Variants in CUX1 observed in about 807,000 individuals in gnomAD.
The protein encoded by CUX1 is cut like homeobox 1.
In CUX1, 31 loss-of-function variants were observed where a neutral mutation model predicts 158.8. The observed-to-expected ratio is 0.20, with a 90% CI of 0.15 to 0.26. The LOEUF is 0.26. Ranked by LOEUF, CUX1 falls within the 10% of genes least tolerant of loss-of-function variation. The pLI, the probability that CUX1 is intolerant of heterozygous loss-of-function variation, is 1.00. For synonymous variants in CUX1, 879 were observed against 862.1 expected (o/e 1.02, Z -0.34); for missense variants, 1,589 against 2,014.6 (o/e 0.79, Z 4.04).
chr7:101,981,301 G>A (rs1023470933), intron 2 of CUX1, among the ~76,000 whole-genome samples: 1 of 152,102 alleles, frequency 6.6e-6, no homozygotes, highest in African/African-American at 2.4e-5. Context: ...TTGTCTTGCC[G>A]CATGAGGATG....
Position 102,109,558 on chromosome 7 carries a change from C to T in CUX1, c.531-2140C>T, listed in dbSNP as rs531385334. On this transcript the variant is annotated intron_variant, in intron 6 of 23. Coordinates refer to ENST00000292535, the MANE Select transcript of CUX1 (RefSeq NM_181552.4). ...CAGCACTTTGGGAGGCTAAGGCAGGCGGATCACTTGAGGCCAGGAGTTCGA... is the reference window on the plus strand; with the variant it reads ...CAGCACTTTGGGAGGCTAAGGCAGGTGGATCACTTGAGGCCAGGAGTTCGA... Among the ~76,000 whole-genome samples the T allele has an allele frequency of 9.2e-5, 14 of 152,004 alleles. 2 individuals are homozygous for T. The highest frequency in any genetic ancestry group is 7.9e-4 in the Admixed American group (12 of 15,240).
intron 8 of CUX1, among the ~76,000 whole-genome samples, chr7:102,156,247 C>T (rs1400460899): frequency 6.6e-6 from 1 of 152,094 alleles, no homozygotes; most frequent in Non-Finnish European, 1.5e-5. Context: ...AACAGAACAC[C>T]TGAGGCCAGG....
In CUX1 at chr7:102,202,177, C is replaced by T; in HGVS notation, c.2880C>T (p.Gly960=). 6.2e-7 allele frequency: 1 copy of T among 1,609,652 alleles called. No homozygotes were observed. Among genetic ancestry groups the T allele is most frequent in the Non-Finnish European group, 8.5e-7 (1 of 1,176,752 alleles). The change falls in exon 18 of 24, where the codon GGC becomes GGT. Residue 960 remains glycine, a synonymous_variant. Coordinates refer to ENST00000292535, the MANE Select transcript of CUX1 (RefSeq NM_181552.4). ...RQVKEKLAKN[G]ICQRIFGEKV... ...TTAAGGAAAAGCTGGCCAAGAACGG[C>T]ATCTGCCAGAGAATCTTCGGGGAGA...
rs1195261019 is a variant in CUX1 at position 102,103,409 on chromosome 7, C to T, written c.407-927C>T. Among the ~76,000 whole-genome samples the T allele has an allele frequency of 4.9e-5, 7 of 141,916 alleles. No homozygotes were observed. The Admixed American group carries it at 5.0e-4, about 10-fold the overall frequency. 93.1% of individuals were successfully genotyped at this position (141,916 alleles called of 152,430 possible). A position where few individuals can be genotyped will look rare whatever the true frequency, so the allele number is the denominator to read the frequency against. On this transcript the variant is annotated intron_variant, in intron 5 of 23. Coordinates refer to ENST00000292535, the MANE Select transcript of CUX1 (RefSeq NM_181552.4). ...TTTCTGTCTCCCTCTCTTTCTTTTG[C>T]TCTCCGTTTCTCTCTCTCTCTCTCT... is the stretch of plus-strand genomic sequence containing the variant.
chr7:102,186,573 G>T (rs1380797162), intron 11 of CUX1, among the ~76,000 whole-genome samples: 1 of 138,384 alleles, frequency 7.2e-6, no homozygotes, highest in Non-Finnish European at 1.6e-5. Context: ...CACAAACCTA[G>T]ATAGTATATA....
Position 101,887,138 on chromosome 7 carries a change from C to T in CUX1, c.31-28977C>T, listed in dbSNP as rs187362272. Among the ~76,000 whole-genome samples the T allele has an allele frequency of 4.6e-5, 7 of 152,212 alleles. No homozygotes were observed. The East Asian group carries it at 5.8e-4, about 13-fold the overall frequency. ...GCTGGCAGGGACAGTTTTGCAGGGA[C>T]GGTTTGGAAGGGGCTTTGCTGGGGA... On this transcript the variant is annotated intron_variant, in intron 1 of 23. Transcript: ENST00000292535.
At chr7:102,169,621 A>G (rs936944107) in intron 9 of CUX1, among the ~76,000 whole-genome samples, 1 of 152,224 alleles carries the variant, frequency 6.6e-6, no homozygotes, top group Non-Finnish European at 1.5e-5. Flanking sequence ...GGTAGGCAGC[A>G]GCTCAGTGAG....
At chr7:102,185,868 T>C (rs1793569370) in intron 11 of CUX1, among the ~76,000 whole-genome samples, 1 of 152,188 alleles carries the variant, frequency 6.6e-6, no homozygotes, top group African/African-American at 2.4e-5. Context: ...AGATCTGCAC[T>C]GTAGGACCCC....
At chr7:101,991,819 G>A (rs1000574313) in intron 2 of CUX1, among the ~76,000 whole-genome samples, 2 of 151,038 alleles carry the variant, frequency 1.3e-5, no homozygotes, top group Non-Finnish European at 2.9e-5. Context: ...TATAGTCCCA[G>A]CCACTCAGGA....
At chr7:102,016,060 C>T (rs916961201) in intron 2 of CUX1, among the ~76,000 whole-genome samples, 4 of 152,104 alleles carry the variant, frequency 2.6e-5, no homozygotes, top group African/African-American at 9.7e-5. Context: ...AGCGATCCTC[C>T]CTTAGCCTCC....
intron 2 of CUX1, among the ~76,000 whole-genome samples, chr7:101,990,239 G>T (rs1057316440): frequency 3.9e-5 from 6 of 152,044 alleles, no homozygotes; most frequent in Admixed American, 6.6e-5. Context: ...GGTAGTCCCC[G>T]TAGATGAAGT....
chr7:101,829,053 ATGAGT>A (rs1325760838), intron 1 of CUX1, among the ~76,000 whole-genome samples: 2 of 152,094 alleles, frequency 1.3e-5, no homozygotes, highest in East Asian at 3.9e-4. Flanking sequence ...AGTCTGGAAG[ATGAGT>A]TGAAACCTGG....
At chr7:102,223,213 A>G (rs186289377) in intron 20 of CUX1, among the ~76,000 whole-genome samples, 15 of 152,028 alleles carry the variant, frequency 9.9e-5, no homozygotes, top group Admixed American at 8.5e-4. Context: ...CTCGAGGCCA[A>G]GAGTTTAAGG....
Position 102,256,052 on chromosome 7 carries a change from G to T in CUX1, c.*7010G>T. On this transcript the variant is annotated 3_prime_UTR_variant, in exon 24 of 24. Transcript: ENST00000292535. ...TGTTCATGAACCGAAGGGAAAACAGGCCTCCCCGACTCCCTCCAGTCTCCC... is the reference window on the plus strand; with the variant it reads ...TGTTCATGAACCGAAGGGAAAACAGTCCTCCCCGACTCCCTCCAGTCTCCC... 2 of 985,460 alleles carry T rather than the reference G, an allele frequency of 2.0e-6. No homozygotes were observed. Among genetic ancestry groups the T allele is most frequent in the Non-Finnish European group, 2.4e-6 (2 of 829,950 alleles). The allele number at this position is 985,460 out of a possible 1,614,324, so 61.0% of individuals were successfully genotyped here.
rs915371105 is a variant in CUX1, at chr7:102,254,358, G to C, written c.*5316G>C. On this transcript the variant is annotated 3_prime_UTR_variant, in exon 24 of 24. Coordinates refer to ENST00000292535, the MANE Select transcript of CUX1 (RefSeq NM_181552.4). Reference sequence around the variant, plus strand: ...CTTGGGTGTCTCTTGTCTCTGGCATGGTTTTAGCGTCACTGCGAACACTCC... The same window carrying C: ...CTTGGGTGTCTCTTGTCTCTGGCATCGTTTTAGCGTCACTGCGAACACTCC... 6.8e-5 allele frequency: 67 copies of C among 985,288 alleles called. No individual in the cohort carries two copies. The highest frequency in any genetic ancestry group is 8.0e-5 in the Non-Finnish European group (66 of 829,974). 61.0% of individuals were successfully genotyped at this position (985,288 alleles called of 1,614,324 possible). A position where few individuals can be genotyped will look rare whatever the true frequency, so the allele number is the denominator to read the frequency against.
At chr7:101,978,687 C>T (rs550831496) in intron 2 of CUX1, among the ~76,000 whole-genome samples, 3 of 152,358 alleles carry the variant, frequency 2.0e-5, no homozygotes, top group Non-Finnish European at 4.4e-5. Context: ...CACGGCCCCT[C>T]TAGCCCCGGT....
At chr7:102,150,096 C>T (rs1835468493) in intron 8 of CUX1, among the ~76,000 whole-genome samples, 1 of 152,130 alleles carries the variant, frequency 6.6e-6, no homozygotes, top group African/African-American at 2.4e-5. Context: ...CTTTCAATGC[C>T]AAAGAACTTT....
chr7:101,885,931 T>C (rs1477662643), intron 1 of CUX1, among the ~76,000 whole-genome samples: 1 of 152,178 alleles, frequency 6.6e-6, no homozygotes, highest in Non-Finnish European at 1.5e-5. Flanking sequence ...CACCGCCGTT[T>C]ATAGGAGAGG....
chr7:102,196,002 G>A (rs566870393), intron 14 of CUX1, among the ~76,000 whole-genome samples: 2 of 152,346 alleles, frequency 1.3e-5, no homozygotes, highest in East Asian at 1.9e-4. Flanking sequence ...GCCGGGTCCA[G>A]TAGAGGTTTT....
Sources: allele counts gnomAD v4.1 joint callset (sites outside exome capture counted in the v4.1 genomes callset), GRCh38; gene constraint gnomAD v4.1.1; transcripts MANE v1.5; gene names NCBI Gene and HGNC (gene_info 2026-07-23, HGNC 2026-07-21).